RCBTB1: variants seen among roughly 807,000 people sequenced by gnomAD.
RCBTB1 encodes RCC1 and BTB domain-containing protein 1.
A neutral mutation model predicts 62.4 loss-of-function variants in RCBTB1; 46 were observed. The observed-to-expected ratio is 0.74, with a 90% CI of 0.58 to 0.94. The LOEUF (loss-of-function observed/expected upper bound fraction) is 0.94, where lower values mean the gene tolerates loss of function less well. RCBTB1 is among the 40% of genes least tolerant of loss of function. The pLI is 0.00. For missense variants in RCBTB1, 565 were observed against 654.9 expected (o/e 0.86, Z 1.50); for synonymous variants, 222 against 245.8 (o/e 0.90, Z 0.91).
intron 4 of RCBTB1, among the ~76,000 whole-genome samples, chr13:49,562,594 CAAAG>C (rs768909323): frequency 2.7e-5 from 4 of 149,402 alleles, no homozygotes; most frequent in Non-Finnish European, 5.9e-5. Flanking sequence ...AAGGAGAAAA[CAAAG>C]AAGAAAATTT....
chr13:49,569,879 A>G (rs9568268), intron 2 of RCBTB1, among the ~76,000 whole-genome samples: 34,006 of 151,920 alleles, frequency 0.22, 4,701 homozygotes, highest in East Asian at 0.55. Context: ...CTGCACTCTA[A>G]CCTGGGTGAC....
At chr13:49,563,590 C>T (rs1962651294) in intron 4 of RCBTB1, among the ~76,000 whole-genome samples, 1 of 152,002 alleles carries the variant, frequency 6.6e-6, no homozygotes. Flanking sequence ...ACCCAGGAGG[C>T]TGATGTTACA....
chr13:49,551,145 A>AG, intron 8 of RCBTB1, 181 bp downstream of exon 8: 4 of 418,852 alleles, frequency 9.5e-6, no homozygotes. Flanking sequence ...AGAAGGGGGA[A>AG]GGGGGAAGCA....
chr13:49,560,258 C>T (rs541594593), intron 4 of RCBTB1, among the ~76,000 whole-genome samples, 174 bp from the exon 5 acceptor site: 4 of 152,258 alleles, frequency 2.6e-5, no homozygotes, highest in African/African-American at 7.2e-5. Flanking sequence ...GGTGACAGAA[C>T]GGGATAGACA....
At chr13:49,583,375 T>C (rs1715801092) in intron 1 of RCBTB1, among the ~76,000 whole-genome samples, 1 of 120,066 alleles carries the variant, frequency 8.3e-6, no homozygotes, top group Admixed American at 9.6e-5. Context: ...GAAAGAAGTG[T>C]GCTTTTGTGT....
intron 12 of RCBTB1, 62 bp downstream of exon 12, chr13:49,540,814 C>T (rs547457032): frequency 2.6e-5 from 41 of 1,550,666 alleles, no homozygotes; most frequent in South Asian, 3.6e-5. Context: ...ACGCAAGAAG[C>T]GGGGGAGACG....
chr13:49,568,673 G>A (rs937088185), intron 2 of RCBTB1, among the ~76,000 whole-genome samples: 2 of 151,626 alleles, frequency 1.3e-5, no homozygotes, highest in Non-Finnish European at 2.9e-5. Flanking sequence ...GCTCACACCT[G>A]TAATCCCAGC....
At chr13:49,551,075 T>G in intron 8 of RCBTB1, 2 of 394,270 alleles carry the variant, frequency 5.1e-6, no homozygotes, top group South Asian at 2.9e-5. Flanking sequence ...TGCACTCCAG[T>G]CTGGGTGACA....
intron 2 of RCBTB1, among the ~76,000 whole-genome samples, chr13:49,569,605 A>G (rs1377362353): frequency 6.6e-6 from 1 of 151,978 alleles, no homozygotes; most frequent in Non-Finnish European, 1.5e-5. Context: ...AATCCCAGCT[A>G]CTTGGGAGGC....
chr13:49,555,024 G>C (rs1961728332), intron 6 of RCBTB1, among the ~76,000 whole-genome samples: 1 of 152,176 alleles, frequency 6.6e-6, no homozygotes, highest in African/African-American at 2.4e-5. Flanking sequence ...ACAGTAGGGG[G>C]TAACTAAAGG....
intron 10 of RCBTB1, among the ~76,000 whole-genome samples, chr13:49,543,606 T>G (rs1300706360): frequency 2.0e-5 from 3 of 152,282 alleles, no homozygotes; most frequent in African/African-American, 7.2e-5. Flanking sequence ...GGTCTTAGCT[T>G]ATGTGCCTTT....
intron 4 of RCBTB1, among the ~76,000 whole-genome samples, chr13:49,563,363 A>G (rs1455330266): frequency 6.7e-6 from 1 of 149,770 alleles, no homozygotes; most frequent in East Asian, 1.9e-4. Flanking sequence ...CTCAAAAAAA[A>G]AAAAAAAAAA....
chr13:49,571,388 C>T (rs1325961289), intron 2 of RCBTB1, among the ~76,000 whole-genome samples: 2 of 152,078 alleles, frequency 1.3e-5, no homozygotes, highest in East Asian at 3.9e-4. Context: ...AAAAGCATTC[C>T]GCAAAATGCT....
At position 49,567,160 on chromosome 13, in the gene RCBTB1, ATT is replaced by A; in HGVS notation, c.118_119del (p.Asn40Ter). On this transcript the variant is annotated frameshift_variant, in exon 3 of 13. Coordinates refer to ENST00000378302, the MANE Select transcript of RCBTB1 (RefSeq NM_018191.4). LOFTEE classifies it high-confidence loss of function. ...GGTTTCAAGAGACTCTTACCTCATC[ATT>A]GTCAGTAACGTACAGTGCTTCACTG... ...SASEALYVTDNDEVFVFGLNY... is the reference protein window; with the variant it reads ...SASEALYVTDXDEVFVFGLNY... The A allele has an allele frequency of 6.2e-7, 1 of 1,613,998 alleles. No individual in the cohort carries two copies. Among genetic ancestry groups the A allele is most frequent in the South Asian group, 1.1e-5 (1 of 91,064 alleles).
rs929414020 is a variant in RCBTB1, at chr13:49,532,777, G to A, written c.*1345C>T. Reference sequence around the variant, plus strand: ...AAAATGTATTCAGGCTCCAGGTTCAGAAGAGAGACTTTCCAAGCAGGAGAC... The same window carrying A: ...AAAATGTATTCAGGCTCCAGGTTCAAAAGAGAGACTTTCCAAGCAGGAGAC... On this transcript the variant is annotated 3_prime_UTR_variant, in exon 13 of 13. Coordinates refer to ENST00000378302, the MANE Select transcript of RCBTB1 (RefSeq NM_018191.4). 2.0e-5 allele frequency: 3 copies of A among 151,992 alleles called. No homozygotes were observed. Among genetic ancestry groups the A allele is most frequent in the Non-Finnish European group, 4.4e-5 (3 of 68,020 alleles). 9.4% of individuals were successfully genotyped at this position (151,992 alleles called of 1,614,324 possible). A position where few individuals can be genotyped will look rare whatever the true frequency, so the allele number is the denominator to read the frequency against.
At chr13:49,534,529 C>CAT (rs1566207300) in intron 12 of RCBTB1, among the ~76,000 whole-genome samples, 1 of 151,304 alleles carries the variant, frequency 6.6e-6, no homozygotes, top group African/African-American at 2.4e-5. Context: ...CACACACACA[C>CAT]GCAAGATCTA....
At chr13:49,548,166 C>T (rs56994102) in intron 9 of RCBTB1, among the ~76,000 whole-genome samples, 1 of 151,730 alleles carries the variant, frequency 6.6e-6, no homozygotes, top group Non-Finnish European at 1.5e-5. Flanking sequence ...CTGAGGCGGG[C>T]GGATCACGAG....
At chr13:49,564,728 A>G (rs1401201204) in intron 4 of RCBTB1, among the ~76,000 whole-genome samples, 1 of 151,694 alleles carries the variant, frequency 6.6e-6, no homozygotes, top group Non-Finnish European at 1.5e-5. Flanking sequence ...CATCTCTACT[A>G]AAAATACAAA....
intron 2 of RCBTB1, among the ~76,000 whole-genome samples, chr13:49,580,258 AC>A (rs1419317656): frequency 6.6e-6 from 1 of 152,176 alleles, no homozygotes; most frequent in Non-Finnish European, 1.5e-5. Context: ...ACAAAACAGA[AC>A]AAAAAAACCA....
Sources: allele counts gnomAD v4.1 joint callset (sites outside exome capture counted in the v4.1 genomes callset), GRCh38; gene constraint gnomAD v4.1.1; transcripts MANE v1.5; gene names NCBI Gene and HGNC (gene_info 2026-07-23, HGNC 2026-07-21).